Variants in GARRE1 observed in about 807,000 individuals in gnomAD.
GARRE1 encodes granule associated Rac and RHOG effector 1.
A neutral mutation model predicts 103.2 loss-of-function variants in GARRE1; 49 were observed. The observed-to-expected ratio is 0.47, with a 90% confidence interval of 0.38 to 0.60. The LOEUF is 0.60. GARRE1 is among the 20% of genes least tolerant of loss of function. The probability of loss-of-function intolerance (pLI) is 0.00; values close to 1 mark genes in which losing one functional copy is unlikely to be tolerated. For missense variants in GARRE1, 1,199 were observed against 1,370.5 expected (o/e 0.87, Z 1.98); for synonymous variants, 505 against 532.8 (o/e 0.95, Z 0.72).
chr19:34,333,466 G>A (rs563222704), intron 7 of GARRE1, among the ~76,000 whole-genome samples: 2 of 152,298 alleles, frequency 1.3e-5, no homozygotes, highest in South Asian at 4.1e-4. Context: ...AGAGGTGCTT[G>A]CCAGTTCAAT....
chr19:34,283,070 G>A (rs558696706), intron 1 of GARRE1, among the ~76,000 whole-genome samples: 18 of 152,306 alleles, frequency 1.2e-4, no homozygotes, highest in African/African-American at 4.3e-4. Context: ...GCACTTGCCT[G>A]TTTAGCCTGT....
intron 2 of GARRE1, among the ~76,000 whole-genome samples, chr19:34,303,743 G>A (rs1375353989): frequency 3.3e-5 from 5 of 152,178 alleles, no homozygotes; most frequent in East Asian, 1.9e-4. Context: ...AGCCTCCCGA[G>A]TAGGTAGGAT....
intron 10 of GARRE1, among the ~76,000 whole-genome samples, chr19:34,344,851 T>A (rs2074203527): frequency 1.3e-5 from 2 of 151,518 alleles, no homozygotes; most frequent in South Asian, 4.2e-4. Context: ...TTTTTTTTTT[T>A]TTTTATACGG....
intron 12 of GARRE1, among the ~76,000 whole-genome samples, chr19:34,350,917 G>T (rs1277449803): frequency 6.6e-6 from 1 of 151,868 alleles, no homozygotes; most frequent in Non-Finnish European, 1.5e-5. Context: ...ACAAAAAGCC[G>T]GCCGGACTCG....
At chr19:34,325,603 C>G (rs2074107864) in intron 3 of GARRE1, among the ~76,000 whole-genome samples, 1 of 152,194 alleles carries the variant, frequency 6.6e-6, no homozygotes, top group African/African-American at 2.4e-5. Context: ...CATCGCTACC[C>G]TTGTTCAGGG....
chr19:34,293,783 G>A (rs1340233203), intron 1 of GARRE1, among the ~76,000 whole-genome samples: 1 of 104,444 alleles, frequency 9.6e-6, no homozygotes, highest in Non-Finnish European at 1.8e-5. Context: ...TTTTGAGACG[G>A]AGCCTTACTC....
chr19:34,258,545 G>T (rs2073690457), intron 1 of GARRE1, among the ~76,000 whole-genome samples: 1 of 152,154 alleles, frequency 6.6e-6, no homozygotes, highest in South Asian at 2.1e-4. Flanking sequence ...AGCACTTTGG[G>T]AGGCCGAGGT....
chr19:34,280,047 C>T (rs1465935755), intron 1 of GARRE1, among the ~76,000 whole-genome samples: 1 of 151,320 alleles, frequency 6.6e-6, no homozygotes, highest in Admixed American at 6.6e-5. Flanking sequence ...GCAGCATCTG[C>T]TCCTGGGGAG....
chr19:34,269,954 G>A (rs1244659837), intron 1 of GARRE1, among the ~76,000 whole-genome samples: 1 of 152,224 alleles, frequency 6.6e-6, no homozygotes, highest in Non-Finnish European at 1.5e-5. Context: ...CACAGAAATA[G>A]TCTGGGCTTG....
rs1283453756 is a variant in GARRE1 at position 34,300,610 on chromosome 19, C to A, written c.137C>A (p.Ala46Glu). Residue 46 changes from alanine to glutamate, a missense_variant, in exon 2 of 14, where the codon GCA (alanine) becomes GAA (glutamate). Physicochemically the swap from Ala to Glu is moderately radical, Grantham distance 107. Transcript: ENST00000299505. The stretch of plus-strand genomic sequence containing the variant: ...GGCCGAGCACTGAGTGCTCCCCTGG[C>A]ATCCACGGCCACCACTGCCCCCCTG... ...ELGRALSAPL[A>E]STATTAPLGS... The A allele has an allele frequency of 6.2e-7, 1 of 1,613,482 alleles. No individual in the cohort carries two copies. Among genetic ancestry groups the A allele is most frequent in the Admixed American group, 1.7e-5 (1 of 60,032 alleles).
In GARRE1 at chr19:34,265,055, A is replaced by G. The variant is rs572859480; in HGVS notation, c.-796+10441A>G. Reference sequence around the variant, plus strand: ...TGTGTTTTCAAATTGGCAGTGGCAAAGAATCATAATGGGAAGATTTTTGAA... The same window carrying G: ...TGTGTTTTCAAATTGGCAGTGGCAAGGAATCATAATGGGAAGATTTTTGAA... On this transcript the variant is annotated intron_variant, in intron 1 of 13. Coordinates refer to ENST00000299505, the MANE Select transcript of GARRE1 (RefSeq NM_014686.5). Among the ~76,000 whole-genome samples, 3 of 152,262 alleles carry G rather than the reference A, an allele frequency of 2.0e-5. No individual in the cohort carries two copies. The South Asian group carries it at 6.2e-4, about 32-fold the overall frequency.
In GARRE1 at chr19:34,333,716, A is replaced by G; in HGVS notation, c.1276A>G (p.Thr426Ala). Residue 426 changes from threonine (T) to alanine (A), a missense_variant, in exon 8 of 14, where the codon ACA (threonine) becomes GCA (alanine). Coordinates refer to ENST00000299505, the MANE Select transcript of GARRE1 (RefSeq NM_014686.5). ...TTTTCGATCTTAGGTGGTGGTTGAC[A>G]CAGCACAGATTGAGAATAAAGAAGC... ...FGQAGLVVVD[T>A]AQIENKEAYA... 1.3e-6 allele frequency: 2 copies of G among 1,528,118 alleles called. No individual in the cohort carries two copies. The highest frequency in any genetic ancestry group is 1.8e-6 in the Non-Finnish European group (2 of 1,107,854). The allele number at this position is 1,528,118 out of a possible 1,614,324, so 94.7% of individuals were successfully genotyped here.
chr19:34,354,120 A>G lies in GARRE1; in HGVS notation c.*1165A>G, dbSNP rs1435598075. 1.3e-5 allele frequency: 2 copies of G among 152,618 alleles called. No individual in the cohort carries two copies. The highest frequency in any genetic ancestry group is 6.6e-5 in the Admixed American group (1 of 15,266). 9.5% of individuals were successfully genotyped at this position (152,618 alleles called of 1,614,324 possible). A position where few individuals can be genotyped will look rare whatever the true frequency, so the allele number is the denominator to read the frequency against. ...TAATTGAGGTTACAGAAAGTTCTTTATATAAAACTTATTTAAATTTTTCAT... is the reference window on the plus strand; with the variant it reads ...TAATTGAGGTTACAGAAAGTTCTTTGTATAAAACTTATTTAAATTTTTCAT... On this transcript the variant is annotated 3_prime_UTR_variant, in exon 14 of 14. Transcript: ENST00000299505.
chr19:34,351,216 A>AAATAAT (rs926606505), intron 12 of GARRE1, among the ~76,000 whole-genome samples: 5 of 149,224 alleles, frequency 3.4e-5, no homozygotes, highest in Admixed American at 2.0e-4. Flanking sequence ...AAAAAAAATA[A>AAATAAT]AATAATAATA....
At chr19:34,310,564 G>T (rs1236590141) in intron 2 of GARRE1, among the ~76,000 whole-genome samples, 1 of 152,236 alleles carries the variant, frequency 6.6e-6, no homozygotes, top group East Asian at 1.9e-4. Context: ...CCCCTCCTGA[G>T]TAGGCCCAGC....
chr19:34,303,947 T>C (rs1334620742), intron 2 of GARRE1, among the ~76,000 whole-genome samples: 1 of 152,156 alleles, frequency 6.6e-6, no homozygotes, highest in Admixed American at 6.6e-5. Context: ...TACAATCCTT[T>C]AAAAATGTAA....
intron 1 of GARRE1, among the ~76,000 whole-genome samples, chr19:34,269,438 G>GT (rs1385785716): frequency 1.3e-5 from 2 of 152,174 alleles, no homozygotes; most frequent in African/African-American, 4.8e-5. Flanking sequence ...TTATTCAGTA[G>GT]TTTTTTTCCT....
chr19:34,270,279 G>A (rs990954949), intron 1 of GARRE1, among the ~76,000 whole-genome samples: 1 of 152,212 alleles, frequency 6.6e-6, no homozygotes, highest in Non-Finnish European at 1.5e-5. Context: ...TCTTCCTCTA[G>A]GAGTCATAGG....
chr19:34,271,624 C>T (rs2073788660), intron 1 of GARRE1, among the ~76,000 whole-genome samples: 1 of 151,928 alleles, frequency 6.6e-6, no homozygotes, highest in Non-Finnish European at 1.5e-5. Context: ...ATTTTGGGAG[C>T]CGAGGCAGAA....
Sources: gnomAD v4.1 joint callset for allele counts (sites outside exome capture counted in the v4.1 genomes callset) on GRCh38, gnomAD v4.1.1 for gene constraint, MANE v1.5 for transcripts, NCBI Gene and HGNC (gene_info 2026-07-23, HGNC 2026-07-21) for gene names.